Variants in PCDHGA3 observed in about 807,000 individuals in gnomAD.
The protein encoded by PCDHGA3 is protocadherin gamma subfamily A, 3.
PCDHGA3 carries 40 observed loss-of-function variants against 58.5 expected under a neutral mutation model. The ratio of observed to expected loss-of-function variants is 0.68; its 90% CI spans 0.53 to 0.89. PCDHGA3 has a LOEUF of 0.89. PCDHGA3 is among the 40% of genes least tolerant of loss of function. The probability of loss-of-function intolerance (pLI) is 0.00; values close to 1 mark genes in which losing one functional copy is unlikely to be tolerated. For missense variants in PCDHGA3, 1,223 were observed against 1,195.9 expected (o/e 1.02, Z -0.33); for synonymous variants, 530 against 525.7 (o/e 1.01, Z -0.11).
At chr5:141,373,625 T>C (rs941241888) in intron 1 of PCDHGA3, among the ~76,000 whole-genome samples, 3 of 152,254 alleles carry the variant, frequency 2.0e-5, no homozygotes, top group African/African-American at 7.2e-5. Context: ...GATTGTAATA[T>C]TATTTCTGTT....
In PCDHGA3 at chr5:141,475,977, A is replaced by G. The variant is rs369460464; in HGVS notation, c.2425-18830A>G. The stretch of plus-strand genomic sequence containing the variant: ...CCCCGGGATGAGGCAGAGACTGAAC[A>G]GCCGGCGAGCAAATCAACGGCATCC... On this transcript the variant is annotated intron_variant, in intron 1 of 3. Transcript: ENST00000253812. The G allele has an allele frequency of 2.2e-5, 21 of 972,826 alleles. No individual in the cohort carries two copies. The South Asian group carries it at 2.8e-4, about 13-fold the overall frequency. 60.3% of individuals were successfully genotyped at this position (972,826 alleles called of 1,614,324 possible).
chr5:141,378,684 A>AT (rs1775094609), intron 1 of PCDHGA3: 1 of 152,256 alleles, frequency 6.6e-6, no homozygotes, highest in East Asian at 1.9e-4. Flanking sequence ...ATATTTTAGC[A>AT]TTTTAACCCA....
In PCDHGA3 at chr5:141,354,118, A is replaced by G. The variant is rs141568645; in HGVS notation, c.2424+7661A>G. Among the ~76,000 whole-genome samples the G allele has an allele frequency of 7.0e-4, 106 of 152,356 alleles. No individual in the cohort carries two copies. In the East Asian group the frequency reaches 0.014, roughly 20 times the overall value. Reference sequence around the variant, plus strand: ...ATTTCTAAAATGAGAGCTAAAGTAAAGTTAGAAATTGTAAAATAATACTGA... The same window carrying G: ...ATTTCTAAAATGAGAGCTAAAGTAAGGTTAGAAATTGTAAAATAATACTGA... On this transcript the variant is annotated intron_variant, in intron 1 of 3. Transcript: ENST00000253812.
intron 1 of PCDHGA3, chr5:141,393,205 C>A: frequency 6.2e-7 from 1 of 1,613,504 alleles, no homozygotes; most frequent in Non-Finnish European, 8.5e-7. Flanking sequence ...GATAATAACC[C>A]AAAATTCCAG....
intron 1 of PCDHGA3, chr5:141,383,863 C>T: frequency 6.2e-7 from 1 of 1,613,890 alleles, no homozygotes; most frequent in South Asian, 1.1e-5. Flanking sequence ...GGTTCAGGCT[C>T]AAGATGGTCC....
chr5:141,392,810 A>G (rs772526220), intron 1 of PCDHGA3: 41 of 1,580,272 alleles, frequency 2.6e-5, no homozygotes, highest in Middle Eastern at 1.7e-4. Context: ...GCAGCAAAAC[A>G]ACAATGGCCG....
rs112657435 is a variant in PCDHGA3, at chr5:141,360,032, T to C, written c.2424+13575T>C. 2,408 of 1,390,562 alleles carry C rather than the reference T, an allele frequency of 1.7e-3. 36 individuals carry two copies. In the African/African-American group the frequency reaches 0.032, roughly 18 times the overall value. The allele number at this position is 1,390,562 out of a possible 1,614,324, so 86.1% of individuals were successfully genotyped here. A position where few individuals can be genotyped will look rare whatever the true frequency, so the allele number is the denominator to read the frequency against. On this transcript the variant is annotated intron_variant, in intron 1 of 3. Coordinates refer to ENST00000253812, the MANE Select transcript of PCDHGA3 (RefSeq NM_018916.4). ...CCACACAGAGAAGGCCAGTATAGAT[T>C]CGGAAACAGAAAACAAAAGCAGGAA...
chr5:141,404,358 C>T (rs746085915), intron 1 of PCDHGA3: 19 of 1,613,846 alleles, frequency 1.2e-5, no homozygotes, highest in Non-Finnish European at 1.6e-5. Context: ...GCCAGAGGTA[C>T]TTCCATCTTC....
rs764579211 is a variant in PCDHGA3 at position 141,489,393 on chromosome 5, T to C, written c.2425-5414T>C. 1.9e-5 allele frequency: 30 copies of C among 1,614,098 alleles called. No individual in the cohort carries two copies. In the South Asian group the frequency reaches 3.3e-4, roughly 18 times the overall value. On this transcript the variant is annotated intron_variant, in intron 1 of 3. Coordinates refer to ENST00000253812, the MANE Select transcript of PCDHGA3 (RefSeq NM_018916.4). The surrounding 1 kb of genome is among the most constrained non-coding windows in gnomAD (Gnocchi z 4.5). ...CGCTGGTGGGGAATGTTGCTCAGGA[T>C]CTGGGCTTAAAGATGACAGATCTGT...
intron 1 of PCDHGA3, chr5:141,371,242 A>G (rs759523256): frequency 3.7e-6 from 6 of 1,613,916 alleles, no homozygotes; most frequent in East Asian, 2.2e-5. Context: ...GCCTTCATCA[A>G]TATTGGCAAG....
chr5:141,362,348 G>A (rs761668802), intron 1 of PCDHGA3: 18 of 1,613,904 alleles, frequency 1.1e-5, no homozygotes, highest in Admixed American at 1.7e-5. Context: ...CCTGGACCTG[G>A]GGTTCTCCCC....
rs773232677 is a variant in PCDHGA3, at chr5:141,490,388, G to A, written c.2425-4419G>A. 2 of 1,614,206 alleles carry A rather than the reference G, an allele frequency of 1.2e-6. No homozygotes were observed. The highest frequency in any genetic ancestry group is 2.2e-5 in the East Asian group (1 of 44,878). The stretch of plus-strand genomic sequence containing the variant: ...CGAGACCGGGACTCAGGTAGAAATG[G>A]TGAAGTGAGCCTTGATATCTCTCCG... On this transcript the variant is annotated intron_variant, in intron 1 of 3. Transcript: ENST00000253812. The surrounding 1 kb of genome is among the most constrained non-coding windows in gnomAD (Gnocchi z 5.4).
intron 1 of PCDHGA3, among the ~76,000 whole-genome samples, chr5:141,483,644 G>GTGTT (rs919432945): frequency 6.8e-6 from 1 of 146,522 alleles, no homozygotes; most frequent in Non-Finnish European, 1.5e-5. Flanking sequence ...AGAGGGGTGT[G>GTGTT]TGTTTGTGTG....
chr5:141,436,406 G>T (rs1403133377), intron 1 of PCDHGA3, among the ~76,000 whole-genome samples: 3 of 152,308 alleles, frequency 2.0e-5, no homozygotes, highest in East Asian at 3.9e-4. Context: ...GTTGTTGAAT[G>T]AATGGATAAA....
chr5:141,359,952 G>A (rs2149810633), intron 1 of PCDHGA3: 1 of 554,208 alleles, frequency 1.8e-6, no homozygotes, highest in African/African-American at 1.9e-5. Flanking sequence ...TTGGTCAAAA[G>A]AACGAAGAGA....
At chr5:141,508,824 G>T (rs893436748) in intron 3 of PCDHGA3, among the ~76,000 whole-genome samples, 1 of 151,952 alleles carries the variant, frequency 6.6e-6, no homozygotes, top group Non-Finnish European at 1.5e-5. Context: ...CCAGATCTGG[G>T]CCCCCCTCCC....
chr5:141,394,619 C>T, intron 1 of PCDHGA3: 1 of 1,613,528 alleles, frequency 6.2e-7, no homozygotes, highest in Non-Finnish European at 8.5e-7. Flanking sequence ...GCCAGAACGC[C>T]TGGCTGTCCT....
chr5:141,478,652 G>A (rs188883724), intron 1 of PCDHGA3: 2 of 1,551,970 alleles, frequency 1.3e-6, no homozygotes, highest in East Asian at 2.4e-5. Flanking sequence ...TGTTTTCCTG[G>A]TGATGCATTC....
In PCDHGA3 at chr5:141,362,283, A is replaced by G. The variant is rs758529550; in HGVS notation, c.2424+15826A>G. 15 of 1,612,776 alleles carry G rather than the reference A, an allele frequency of 9.3e-6. No individual in the cohort carries two copies. In the Admixed American group the frequency reaches 1.8e-4, roughly 20 times the overall value. On this transcript the variant is annotated intron_variant, in intron 1 of 3. Transcript: ENST00000253812. ...TTCTGGCAATCTCCCTGCGCCTGCG[A>G]CTCTCTTCCAGGTCAGATGCTTGGG...
Sources: gnomAD v4.1 joint callset for allele counts (sites outside exome capture counted in the v4.1 genomes callset) on GRCh38, gnomAD v4.1.1 for gene constraint, Gnocchi (gnomAD v3.1) non-coding constraint, MANE v1.5 for transcripts, NCBI Gene and HGNC (gene_info 2026-07-23, HGNC 2026-07-21) for gene names.